Variants in ACYP2 observed in about 807,000 individuals in gnomAD.
ACYP2 encodes acylphosphatase-2.
ACYP2 carries 12 observed loss-of-function variants against 11.2 expected under a neutral mutation model. That is an observed-to-expected ratio of 1.08 (90% CI 0.69 to 1.74). The LOEUF (loss-of-function observed/expected upper bound fraction) is 1.74. ACYP2 is among the 40% of genes most tolerant of loss of function. The probability of loss-of-function intolerance (pLI) is 0.00; values close to 1 mark genes in which losing one functional copy is unlikely to be tolerated. For missense variants in ACYP2, 134 were observed against 101.9 expected (o/e 1.31, Z -1.35); for synonymous variants, 43 against 32.2 (o/e 1.33, Z -1.13).
At chr2:54,154,579 A>G (rs1051254805) in intron 6 of ACYP2, among the ~76,000 whole-genome samples, 1 of 152,194 alleles carries the variant, frequency 6.6e-6, no homozygotes, top group Admixed American at 6.5e-5. Context: ...CTCCATTTAT[A>G]GATTTGCATG....
chr2:54,246,575 C>T (rs963454492), intron 6 of ACYP2, among the ~76,000 whole-genome samples: 7 of 152,084 alleles, frequency 4.6e-5, no homozygotes, highest in African/African-American at 7.2e-5. Flanking sequence ...AATTCTCTAT[C>T]GTGCTGCCTA....
At chr2:54,215,560 C>T (rs11894205) in intron 6 of ACYP2, among the ~76,000 whole-genome samples, 36,092 of 152,006 alleles carry the variant, frequency 0.24, 4,462 homozygotes, top group East Asian at 0.38. Flanking sequence ...AAAATACTTA[C>T]TATGATACCA....
intron 6 of ACYP2, among the ~76,000 whole-genome samples, chr2:54,158,197 G>GT (rs5831292): frequency 0.021 from 2,746 of 130,204 alleles, 40 homozygotes; most frequent in Middle Eastern, 0.038. Context: ...AGTTAACTTT[G>GT]TTTTTTTTTT....
chr2:53,996,844 T>C (rs2104524137), intron 2 of ACYP2, among the ~76,000 whole-genome samples: 1 of 152,316 alleles, frequency 6.6e-6, no homozygotes, highest in Admixed American at 6.5e-5. Flanking sequence ...TTCCCTCATC[T>C]CTGTATTAAA....
At chr2:54,174,934 T>C (rs1424118116) in intron 6 of ACYP2, among the ~76,000 whole-genome samples, 2 of 152,346 alleles carry the variant, frequency 1.3e-5, no homozygotes, top group East Asian at 3.9e-4. Context: ...TCTTTGCCAG[T>C]ATTTTATTGA....
intron 2 of ACYP2, among the ~76,000 whole-genome samples, chr2:54,024,497 A>G (rs2104548780): frequency 6.6e-6 from 1 of 152,392 alleles, no homozygotes; most frequent in South Asian, 2.1e-4. Flanking sequence ...CCACGTGATC[A>G]TCTTAATAGA....
At chr2:54,007,787 C>T (rs1673157985) in intron 2 of ACYP2, among the ~76,000 whole-genome samples, 1 of 152,008 alleles carries the variant, frequency 6.6e-6, no homozygotes, top group South Asian at 2.1e-4. Flanking sequence ...ATCGCATGAA[C>T]CTAGGAGGTG....
rs797000199 is a variant in ACYP2 at position 54,274,116 on chromosome 2, C to T, written c.405-30572C>T. ...GGTTTATAATGGACTTACAGTTTCA[C>T]GTGGCTGGGGAAGCCTCATAATTAT... On this transcript the variant is annotated intron_variant, in intron 6 of 6. Coordinates refer to ENST00000607452, the MANE Select transcript of ACYP2 (RefSeq NM_001320586.2). Among the ~76,000 whole-genome samples, 4 of 152,118 alleles carry T rather than the reference C, an allele frequency of 2.6e-5. No individual in the cohort carries two copies. In the South Asian group the frequency reaches 6.2e-4, roughly 24 times the overall value.
chr2:54,043,403 A>G (rs1438057485), intron 2 of ACYP2, among the ~76,000 whole-genome samples: 1 of 152,294 alleles, frequency 6.6e-6, no homozygotes, highest in Admixed American at 6.5e-5. Context: ...GCTCAGTGGC[A>G]TTTGGTGGCT....
intron 2 of ACYP2, among the ~76,000 whole-genome samples, chr2:54,026,600 C>T (rs1674300861): frequency 6.6e-6 from 1 of 152,184 alleles, no homozygotes. Context: ...GAAAAAGACA[C>T]TTGCACATGC....
At chr2:54,214,187 G>C (rs1248703792) in intron 6 of ACYP2, among the ~76,000 whole-genome samples, 1 of 152,138 alleles carries the variant, frequency 6.6e-6, no homozygotes, top group Non-Finnish European at 1.5e-5. Flanking sequence ...CCATTCCATA[G>C]GTTGTCTGTT....
intron 6 of ACYP2, among the ~76,000 whole-genome samples, chr2:54,294,720 G>A (rs1362788700): frequency 6.6e-6 from 1 of 151,712 alleles, no homozygotes; most frequent in East Asian, 1.9e-4. Context: ...AGACCAGCCT[G>A]AGCAACATAG....
chr2:54,266,585 T>G, intron 6 of ACYP2, among the ~76,000 whole-genome samples: 1 of 136,148 alleles, frequency 7.3e-6, no homozygotes, highest in African/African-American at 2.8e-5. Flanking sequence ...TAGATATCTA[T>G]CTATCTTTTT....
chr2:54,287,839 T>C (rs973911563), intron 6 of ACYP2, among the ~76,000 whole-genome samples: 9 of 151,996 alleles, frequency 5.9e-5, no homozygotes, highest in African/African-American at 1.9e-4. Context: ...CCTGACCAAA[T>C]TGCAGACTTG....
chr2:54,260,227 T>G (rs532326675), intron 6 of ACYP2, among the ~76,000 whole-genome samples: 1 of 152,264 alleles, frequency 6.6e-6, no homozygotes, highest in East Asian at 1.9e-4. Context: ...GTCTTCTGAT[T>G]GCTTCATTGT....
intron 6 of ACYP2, among the ~76,000 whole-genome samples, chr2:54,201,616 C>CT (rs750904350): frequency 0.012 from 1,089 of 88,006 alleles, 33 homozygotes; most frequent in African/African-American, 0.044. Context: ...TTCTTTCTTT[C>CT]TTTCTTTGTT....
chr2:54,130,444 G>A (rs1332244886), intron 4 of ACYP2, among the ~76,000 whole-genome samples: 3 of 152,204 alleles, frequency 2.0e-5, no homozygotes, highest in African/African-American at 4.8e-5. Flanking sequence ...CATTTCCAGT[G>A]TAGTGGGAGC....
At chr2:54,144,499 C>A (rs1381278435) in intron 6 of ACYP2, among the ~76,000 whole-genome samples, 2 of 151,882 alleles carry the variant, frequency 1.3e-5, no homozygotes, top group East Asian at 1.9e-4. Context: ...CATGGTGAAA[C>A]CCCGTCTCTA....
At chr2:54,147,570 G>T (rs762226627) in intron 6 of ACYP2, among the ~76,000 whole-genome samples, 8 of 152,116 alleles carry the variant, frequency 5.3e-5, no homozygotes, top group Admixed American at 1.3e-4. Context: ...TGTTGCCCAG[G>T]CTGGAGTGCG....
Sources: gnomAD v4.1 joint callset for allele counts (sites outside exome capture counted in the v4.1 genomes callset) on GRCh38, gnomAD v4.1.1 for gene constraint, MANE v1.5 for transcripts, NCBI Gene and HGNC (gene_info 2026-07-23, HGNC 2026-07-21) for gene names.